LINGO2: variants seen among roughly 807,000 people sequenced by gnomAD.
The protein encoded by LINGO2 is leucine rich repeat and Ig domain containing 2.
LINGO2 carries 14 observed loss-of-function variants against 30.6 expected under a neutral mutation model. That is an observed-to-expected ratio of 0.46 (90% CI 0.30 to 0.72). The LOEUF (loss-of-function observed/expected upper bound fraction) is 0.72, where lower values mean the gene tolerates loss of function less well. Ranked by LOEUF, LINGO2 falls within the 30% of genes least tolerant of loss-of-function variation. LINGO2 has a pLI of 0.07. For missense variants in LINGO2, 729 were observed against 751.7 expected, an observed-to-expected ratio of 0.97 and a Z score of 0.35; for synonymous variants, 317 against 288.5, an observed-to-expected ratio of 1.10 and a Z score of -1.00.
chr9:28,936,927 C>A, the LINGO2 span, among the ~76,000 whole-genome samples: 1 of 152,172 alleles, frequency 6.6e-6, no homozygotes, highest in African/African-American at 2.4e-5. Context: ...TACTGGCTTT[C>A]AGATGACTGC....
intron 1 of LINGO2, among the ~76,000 whole-genome samples, chr9:28,660,640 G>C (rs1828549784): frequency 6.6e-6 from 1 of 151,894 alleles, no homozygotes; most frequent in Non-Finnish European, 1.5e-5. Context: ...TCAGAGAAAG[G>C]GATTGGATTA....
the LINGO2 span, among the ~76,000 whole-genome samples, chr9:28,955,698 T>C: frequency 1.3e-5 from 2 of 152,156 alleles, no homozygotes; most frequent in African/African-American, 4.8e-5. Context: ...TCAGGAGAAC[T>C]AAACATATAA....
the LINGO2 span, among the ~76,000 whole-genome samples, chr9:28,696,050 C>T: frequency 6.6e-6 from 1 of 151,800 alleles, no homozygotes; most frequent in African/African-American, 2.4e-5. Flanking sequence ...AGTTGTGAAC[C>T]TGTTGATCTC....
At chr9:28,043,845 C>G (rs1019885660) in intron 4 of LINGO2, among the ~76,000 whole-genome samples, 1 of 152,136 alleles carries the variant, frequency 6.6e-6, no homozygotes. Context: ...ACAAAACAAA[C>G]AATAATTCCC....
At chr9:28,404,200 TTC>T (rs1469184739) in intron 2 of LINGO2, among the ~76,000 whole-genome samples, 1 of 152,170 alleles carries the variant, frequency 6.6e-6, no homozygotes, top group African/African-American at 2.4e-5. Context: ...TCTTTTTTGT[TTC>T]TTTCTTTCAG....
At chr9:28,917,833 G>C in the LINGO2 span, among the ~76,000 whole-genome samples, 1 of 152,078 alleles carries the variant, frequency 6.6e-6, no homozygotes, top group Non-Finnish European at 1.5e-5. Context: ...ATTGAATCAA[G>C]GTGCAAATGT....
intron 4 of LINGO2, among the ~76,000 whole-genome samples, chr9:28,069,555 A>C (rs1825411822): frequency 6.6e-6 from 1 of 152,192 alleles, no homozygotes; most frequent in South Asian, 2.1e-4. Flanking sequence ...CTTTGCATTC[A>C]ACCCATGGTG....
intron 4 of LINGO2, among the ~76,000 whole-genome samples, chr9:28,210,441 A>G (rs1820549199): frequency 6.6e-6 from 1 of 151,698 alleles, no homozygotes; most frequent in Admixed American, 6.6e-5. Context: ...AAAAAAAATA[A>G]AGAATGACTT....
the LINGO2 span, among the ~76,000 whole-genome samples, chr9:28,761,980 T>G: frequency 6.6e-6 from 1 of 151,782 alleles, no homozygotes; most frequent in Non-Finnish European, 1.5e-5. Flanking sequence ...ACATCGTGGT[T>G]TAATGCTTAT....
chr9:28,768,849 T>C, the LINGO2 span, among the ~76,000 whole-genome samples: 2 of 152,078 alleles, frequency 1.3e-5, no homozygotes, highest in Non-Finnish European at 2.9e-5. Context: ...AATTGGAACA[T>C]CCCATAATTT....
At chr9:28,478,760 A>G (rs573493076) in intron 1 of LINGO2, among the ~76,000 whole-genome samples, 64 of 152,220 alleles carry the variant, frequency 4.2e-4, no homozygotes, top group Non-Finnish European at 6.9e-4. Context: ...CTTACTTTGT[A>G]ATTTGTCAAT....
chr9:28,091,207 A>G (rs2133264351), intron 4 of LINGO2, among the ~76,000 whole-genome samples: 1 of 152,338 alleles, frequency 6.6e-6, no homozygotes, highest in South Asian at 2.1e-4. Context: ...AGAATTGGAA[A>G]AAACTACTTT....
At chr9:29,132,851 T>C in the LINGO2 span, among the ~76,000 whole-genome samples, 1 of 151,986 alleles carries the variant, frequency 6.6e-6, no homozygotes, top group African/African-American at 2.4e-5. Context: ...ATTGAATTTA[T>C]TGTGGTAAAT....
the LINGO2 span, among the ~76,000 whole-genome samples, chr9:29,033,384 A>G: frequency 6.7e-6 from 1 of 149,662 alleles, no homozygotes; most frequent in African/African-American, 2.4e-5. Flanking sequence ...TTTACTATAT[A>G]TATATATATA....
At chr9:28,993,118 G>GC in the LINGO2 span, among the ~76,000 whole-genome samples, 1 of 152,074 alleles carries the variant, frequency 6.6e-6, no homozygotes, top group Non-Finnish European at 1.5e-5. Context: ...CAGACCGCTA[G>GC]CAAGACTAAT....
intron 2 of LINGO2, among the ~76,000 whole-genome samples, chr9:28,404,921 TGTGTG>T (rs1822434167): frequency 1.4e-5 from 2 of 138,390 alleles, no homozygotes; most frequent in Non-Finnish European, 3.2e-5. Context: ...TGTGTGTGTG[TGTGTG>T]TAAAATTCCA....
Position 27,952,964 on chromosome 9 carries a change from A to T in LINGO2, c.-35-2258T>A, listed in dbSNP as rs554584365. Among the ~76,000 whole-genome samples the T allele has an allele frequency of 7.2e-5, 11 of 152,286 alleles. 1 individual carries two copies. Among genetic ancestry groups the T allele is most frequent in the Middle Eastern group, 6.8e-3 (2 of 294 alleles). ...TGCTAAACTGGAGAATATATTTAAA[A>T]CATATGTAATAGATGAAAAGGTGAA... On this transcript the variant is annotated intron_variant, in intron 5 of 5. Coordinates refer to ENST00000379992, the Ensembl canonical transcript of LINGO2.
At chr9:27,965,503 C>G (rs1820059135) in intron 5 of LINGO2, among the ~76,000 whole-genome samples, 1 of 151,498 alleles carries the variant, frequency 6.6e-6, no homozygotes, top group Admixed American at 6.6e-5. Context: ...TCTCAGTCAT[C>G]TTTCCAATGG....
the LINGO2 span, among the ~76,000 whole-genome samples, chr9:28,724,289 T>C: frequency 6.6e-6 from 1 of 152,164 alleles, no homozygotes; most frequent in Non-Finnish European, 1.5e-5. Flanking sequence ...AGACACACTA[T>C]GTTGTACCTG....
Sources: gnomAD v4.1 joint callset for allele counts (sites outside exome capture counted in the v4.1 genomes callset) on GRCh38, gnomAD v4.1.1 for gene constraint, MANE v1.5 for transcripts, NCBI Gene and HGNC (gene_info 2026-07-23, HGNC 2026-07-21) for gene names.